ERBB4: variants seen among roughly 807,000 people sequenced by gnomAD.
ERBB4 encodes the protein erb-b2 receptor tyrosine kinase 4.
Under a neutral mutation model 158.0 loss-of-function variants are expected in ERBB4, and 42 were observed. The observed-to-expected ratio is 0.27, with a 90% CI of 0.21 to 0.34. The LOEUF is 0.34. Among genes scored for constraint, ERBB4 ranks in the 10% least tolerant of loss-of-function variants. The probability of loss-of-function intolerance (pLI) is 1.00; values close to 1 mark genes in which losing one functional copy is unlikely to be tolerated. For missense variants in ERBB4, 1,333 were observed against 1,624.1 expected (o/e 0.82, Z 3.08); for synonymous variants, 583 against 558.7 (o/e 1.04, Z -0.61).
intron 1 of ERBB4, among the ~76,000 whole-genome samples, chr2:212,468,084 A>G (rs1688929532): frequency 6.6e-6 from 1 of 152,108 alleles, no homozygotes; most frequent in African/African-American, 2.4e-5. Context: ...TATTTACCCA[A>G]TTCCTGTACC....
chr2:211,669,004 C>A (rs996902056), intron 14 of ERBB4, among the ~76,000 whole-genome samples: 1 of 151,944 alleles, frequency 6.6e-6, no homozygotes, highest in Non-Finnish European at 1.5e-5. Flanking sequence ...GGGCAGATCA[C>A]TTGAGGCCAG....
chr2:211,628,049 A>G (rs991551677), intron 17 of ERBB4, among the ~76,000 whole-genome samples: 1 of 152,202 alleles, frequency 6.6e-6, no homozygotes, highest in African/African-American at 2.4e-5. Flanking sequence ...GAGATCATTG[A>G]CTACTAATTT....
intron 20 of ERBB4, among the ~76,000 whole-genome samples, chr2:211,437,469 C>T (rs906877809): frequency 1.3e-5 from 2 of 152,140 alleles, no homozygotes; most frequent in African/African-American, 4.8e-5. Flanking sequence ...AAAACCTAGC[C>T]ATGACCTTCT....
rs931428542 is a variant in ERBB4 at position 211,381,188 on chromosome 2, C to G, written c.*2427G>C. On this transcript the variant is annotated 3_prime_UTR_variant, in exon 28 of 28. Coordinates refer to ENST00000342788, the MANE Select transcript of ERBB4 (RefSeq NM_005235.3). ...CTTCACTAGAAGGAATCTCACAAAC[C>G]CTTCTCCTGCTCTACCATACTTTTT... The G allele has an allele frequency of 8.6e-6, 2 of 232,226 alleles. No homozygotes were observed. Among genetic ancestry groups the G allele is most frequent in the East Asian group, 1.2e-4 (2 of 16,470 alleles). The allele number at this position is 232,226 out of a possible 1,614,324, so 14.4% of individuals were successfully genotyped here. A position where few individuals can be genotyped will look rare whatever the true frequency, so the allele number is the denominator to read the frequency against.
At chr2:212,159,369 T>G (rs1481902598) in intron 1 of ERBB4, among the ~76,000 whole-genome samples, 1 of 151,842 alleles carries the variant, frequency 6.6e-6, no homozygotes, top group East Asian at 1.9e-4. Context: ...TATTGATGCC[T>G]ACACTTTCTC....
At chr2:211,854,118 C>T (rs1341190346) in intron 3 of ERBB4, among the ~76,000 whole-genome samples, 1 of 152,010 alleles carries the variant, frequency 6.6e-6, no homozygotes, top group Non-Finnish European at 1.5e-5. Flanking sequence ...TGTGTAACAA[C>T]AGTAAAAATT....
chr2:212,080,655 C>T (rs939632819), intron 2 of ERBB4, among the ~76,000 whole-genome samples: 3 of 137,854 alleles, frequency 2.2e-5, no homozygotes, highest in Non-Finnish European at 4.6e-5. Context: ...AAAGTTTTAT[C>T]TCATTTTATG....
At chr2:211,911,851 A>G (rs969974440) in intron 3 of ERBB4, among the ~76,000 whole-genome samples, 3 of 151,306 alleles carry the variant, frequency 2.0e-5, no homozygotes, top group African/African-American at 7.3e-5. Context: ...CTGTTGCACA[A>G]TGTGGTAAAT....
chr2:211,645,437 T>C (rs1011872018), intron 16 of ERBB4, among the ~76,000 whole-genome samples: 1 of 151,730 alleles, frequency 6.6e-6, no homozygotes, highest in African/African-American at 2.4e-5. Flanking sequence ...TATATATTCT[T>C]ATTCCTCCAT....
At chr2:212,363,589 A>G (rs1488620975) in intron 1 of ERBB4, among the ~76,000 whole-genome samples, 1 of 151,616 alleles carries the variant, frequency 6.6e-6, no homozygotes, top group African/African-American at 2.4e-5. Context: ...TGAAAAAGAC[A>G]AATGAAAATA....
At chr2:211,651,182 G>A (rs2070968796) in intron 16 of ERBB4, among the ~76,000 whole-genome samples, 1 of 152,162 alleles carries the variant, frequency 6.6e-6, no homozygotes, top group Non-Finnish European at 1.5e-5. Context: ...CCTGGTTTTA[G>A]TTCCAAGATA....
At chr2:211,580,927 T>G (rs2068085976) in intron 19 of ERBB4, among the ~76,000 whole-genome samples, 1 of 138,668 alleles carries the variant, frequency 7.2e-6, no homozygotes, top group African/African-American at 2.6e-5. Flanking sequence ...GATGGAATAC[T>G]ACTTAGCCAT....
chr2:211,434,748 A>G (rs2063814667), intron 20 of ERBB4, among the ~76,000 whole-genome samples: 1 of 152,208 alleles, frequency 6.6e-6, no homozygotes, highest in Admixed American at 6.5e-5. Flanking sequence ...AATTTTTAAA[A>G]ACTAGGTGAC....
intron 1 of ERBB4, among the ~76,000 whole-genome samples, chr2:212,457,296 A>G (rs1410090729): frequency 6.6e-6 from 1 of 152,022 alleles, no homozygotes; most frequent in Admixed American, 6.6e-5. Flanking sequence ...ATTCCCAATC[A>G]TAGCACATTT....
intron 3 of ERBB4, among the ~76,000 whole-genome samples, chr2:211,845,743 G>C (rs6435678): frequency 0.14 from 22,048 of 152,144 alleles, 1,980 homozygotes; most frequent in African/African-American, 0.24. Context: ...TTGTTTAAAA[G>C]TTGAATGTTG....
chr2:212,133,795 C>T (rs890134962), intron 1 of ERBB4, among the ~76,000 whole-genome samples: 7 of 152,092 alleles, frequency 4.6e-5, no homozygotes, highest in Non-Finnish European at 1.0e-4. Context: ...CCTTTCCCTA[C>T]AAAACCTTTT....
chr2:211,484,715 G>A (rs1013523685), intron 20 of ERBB4, among the ~76,000 whole-genome samples: 1 of 152,020 alleles, frequency 6.6e-6, no homozygotes, highest in African/African-American at 2.4e-5. Context: ...TTTAAACCAA[G>A]AGTGAAAAGA....
intron 3 of ERBB4, among the ~76,000 whole-genome samples, chr2:211,861,501 C>G (rs1307982686): frequency 6.6e-6 from 1 of 151,326 alleles, no homozygotes; most frequent in East Asian, 1.9e-4. Flanking sequence ...CTACACCCAG[C>G]CCAAAAACAA....
intron 1 of ERBB4, among the ~76,000 whole-genome samples, chr2:212,459,423 T>C (rs754534066): frequency 6.6e-6 from 1 of 151,926 alleles, no homozygotes; most frequent in Non-Finnish European, 1.5e-5. Flanking sequence ...TCTAAAACTG[T>C]AAAGCACTGA....
Sources: gnomAD v4.1 joint callset for allele counts (sites outside exome capture counted in the v4.1 genomes callset) on GRCh38, gnomAD v4.1.1 for gene constraint, MANE v1.5 for transcripts, NCBI Gene and HGNC (gene_info 2026-07-23, HGNC 2026-07-21) for gene names.